Variants in TMEM44 observed in about 807,000 individuals in gnomAD.
TMEM44 encodes the protein transmembrane protein 44.
Under a neutral mutation model 47.8 loss-of-function variants are expected in TMEM44, and 43 were observed. That is an observed-to-expected ratio of 0.90 (90% CI 0.70 to 1.16). The LOEUF (loss-of-function observed/expected upper bound fraction) is 1.16, where lower values mean the gene tolerates loss of function less well. Ranked by LOEUF, TMEM44 falls within the 50% of genes most tolerant of loss-of-function variation. TMEM44 has a pLI of 0.00. For synonymous variants in TMEM44, 277 were observed against 238.8 expected, an observed-to-expected ratio of 1.16 and a Z score of -1.48; for missense variants, 568 against 555.2, an observed-to-expected ratio of 1.02 and a Z score of -0.23.
At chr3:194,617,512 A>C in intron 5 of TMEM44, 1 of 610,840 alleles carries the variant, frequency 1.6e-6, no homozygotes, top group African/African-American at 1.8e-5. Flanking sequence ...CTCCACCCTA[A>C]GGCGAGCAAG....
chr3:194,628,156 G>GT (rs1386740070), intron 2 of TMEM44, among the ~76,000 whole-genome samples: 1 of 152,210 alleles, frequency 6.6e-6, no homozygotes, highest in African/African-American at 2.4e-5. Flanking sequence ...GCCGTGAGAA[G>GT]TGACTTTTGA....
At chr3:194,593,112 G>C (rs1487752295) in intron 9 of TMEM44, 5 of 1,610,578 alleles carry the variant, frequency 3.1e-6, no homozygotes, top group Non-Finnish European at 4.2e-6. Flanking sequence ...GTGTTGGACA[G>C]ATTTTGCCAC....
At position 194,633,201 on chromosome 3, in the gene TMEM44, G is replaced by A. The variant is rs1336103152; in HGVS notation, c.15C>T (p.Pro5=). ...AGTCCCAGAGCGCGGGCGCGGGGCT[G>A]GGCGCCTCCCCCATGGCGCGGCTGG... The part of the protein sequence containing the change: MGEA[P]SPAPALWDWD... The change falls in exon 1 of 10, where the codon CCC becomes CCT. Residue 5 remains proline (P), a synonymous_variant. Coordinates refer to ENST00000347147, the MANE Select transcript of TMEM44 (RefSeq NM_001011655.3). 5 of 1,494,294 alleles carry A rather than the reference G, an allele frequency of 3.3e-6. No homozygotes were observed. In the East Asian group the frequency reaches 1.5e-4, roughly 43 times the overall value. The allele number at this position is 1,494,294 out of a possible 1,614,324, so 92.6% of individuals were successfully genotyped here.
At chr3:194,604,896 T>C (rs1714607496) in intron 8 of TMEM44, among the ~76,000 whole-genome samples, 1 of 152,212 alleles carries the variant, frequency 6.6e-6, no homozygotes, top group South Asian at 2.1e-4. Flanking sequence ...CTGACTGCAG[T>C]AAATTACACT....
rs377481095 is a variant in TMEM44 at position 194,604,400 on chromosome 3, C to G, written c.1063G>C (p.Ala355Pro). ...GGGTCCTGCAGGGACGCATCTCCGG[C>G]GCTCGTCTGCCCGTCACCTGGCAGC... Reference protein sequence around the residue: ...TRLPGDGQTSAGDASLQDPPS... With the variant: ...TRLPGDGQTSPGDASLQDPPS... Residue 355 changes from alanine (A) to proline (P), a missense_variant, in exon 9 of 10, where the codon GCC becomes CCC. Ala to Pro is a conservative substitution (Grantham distance 27). Transcript: ENST00000347147. The G allele has an allele frequency of 2.6e-6, 4 of 1,540,048 alleles. No homozygotes were observed. The highest frequency in any genetic ancestry group is 4.9e-5 in the East Asian group (2 of 40,676).
intron 9 of TMEM44, chr3:194,588,891 C>G (rs181508763): frequency 2.0e-6 from 1 of 498,218 alleles, no homozygotes; most frequent in Non-Finnish European, 3.6e-6. Context: ...CGCCCTCATT[C>G]TCCACTCTTC....
chr3:194,629,257 T>C (rs1487876339), intron 1 of TMEM44, among the ~76,000 whole-genome samples: 1 of 152,146 alleles, frequency 6.6e-6, no homozygotes, highest in Non-Finnish European at 1.5e-5. Context: ...CTGAAATAAA[T>C]TCAAACGAAA....
intron 5 of TMEM44, chr3:194,622,945 C>CA: frequency 2.9e-6 from 1 of 349,710 alleles, no homozygotes; most frequent in Non-Finnish European, 5.2e-6. Flanking sequence ...GCTTCTTCCT[C>CA]AGAGCCTGCT....
intron 9 of TMEM44, among the ~76,000 whole-genome samples, chr3:194,600,713 G>C (rs768565228): frequency 1.1e-4 from 17 of 152,026 alleles, no homozygotes; most frequent in South Asian, 4.2e-4. Context: ...ACTGCGCCAC[G>C]GCACTCCAGC....
intron 5 of TMEM44, 31 bp from the exon 6 acceptor site, chr3:194,617,300 A>T: frequency 6.7e-7 from 1 of 1,482,254 alleles, no homozygotes; most frequent in Non-Finnish European, 9.0e-7. Context: ...GCTGGGCGGG[A>T]GAAGCAGCAG....
intron 7 of TMEM44, among the ~76,000 whole-genome samples, chr3:194,613,714 G>A (rs1465865676): frequency 4.7e-5 from 7 of 150,140 alleles, no homozygotes; most frequent in African/African-American, 9.8e-5. Context: ...GGCTGGTCTC[G>A]AACTCCTGAC....
At chr3:194,603,226 G>C (rs540490225) in intron 9 of TMEM44, among the ~76,000 whole-genome samples, 1 of 152,228 alleles carries the variant, frequency 6.6e-6, no homozygotes, top group Non-Finnish European at 1.5e-5. Context: ...AAGCTGTGAC[G>C]TGTGTTTTAT....
intron 1 of TMEM44, 160 bp downstream of exon 1, chr3:194,632,919 T>A: frequency 9.0e-7 from 1 of 1,113,942 alleles, no homozygotes. Context: ...GGAAAGAAGA[T>A]CCCACTTCAG....
Position 194,605,981 on chromosome 3 carries a change from G to A in TMEM44, c.1018-1536C>T, listed in dbSNP as rs75498557. Among the ~76,000 whole-genome samples, 1,070 of 152,238 alleles carry A rather than the reference G, an allele frequency of 7.0e-3. 31 individuals carry two copies. The East Asian group carries it at 0.1, about 15-fold the overall frequency. ...ACAAGAGAAACAAAGGCAGCATTCT[G>A]GAAGCAGGAACACAGGTGAGGGGCC... On this transcript the variant is annotated intron_variant, in intron 8 of 9. Coordinates refer to ENST00000347147, the MANE Select transcript of TMEM44 (RefSeq NM_001011655.3).
chr3:194,623,517 GCC>G lies in TMEM44; in HGVS notation c.525+10_525+11del. 6.4e-7 allele frequency: 1 copy of G among 1,573,708 alleles called. No homozygotes were observed. Among genetic ancestry groups the G allele is most frequent in the Admixed American group, 1.8e-5 (1 of 54,490 alleles). ...AGTACCCCGAGTCCTCCCCACGGTGGCCCAGCCTCACCTGCAGCAGGCTCGCT... is the reference window on the plus strand; with the variant it reads ...AGTACCCCGAGTCCTCCCCACGGTGGCAGCCTCACCTGCAGCAGGCTCGCT... On this transcript the variant is annotated intron_variant, in intron 4 of 9. Transcript: ENST00000347147.
At chr3:194,595,653 TCTCA>T (rs1713316445) in intron 9 of TMEM44, among the ~76,000 whole-genome samples, 1 of 148,110 alleles carries the variant, frequency 6.8e-6, no homozygotes, top group Admixed American at 6.9e-5. Flanking sequence ...TGAGATGGAG[TCTCA>T]CTCTGTTGCC....
intron 6 of TMEM44, 51 bp from the exon 7 acceptor site, chr3:194,615,748 G>A (rs374089648): frequency 1.1e-5 from 17 of 1,600,532 alleles, no homozygotes; most frequent in East Asian, 2.3e-5. Context: ...GCTGCCTAGC[G>A]TGGCCCTTCA....
chr3:194,601,553 T>C (rs1235526984), intron 9 of TMEM44, among the ~76,000 whole-genome samples: 2 of 152,166 alleles, frequency 1.3e-5, no homozygotes, highest in Admixed American at 6.5e-5. Context: ...TCCGCCCACC[T>C]TGGCCTCCCA....
intron 2 of TMEM44, among the ~76,000 whole-genome samples, chr3:194,626,380 C>T (rs572627007): frequency 6.6e-6 from 1 of 152,364 alleles, no homozygotes; most frequent in South Asian, 2.1e-4. Context: ...CCCTCAAAGA[C>T]TGTCAGGAAG....
Sources: gnomAD v4.1 joint callset for allele counts (sites outside exome capture counted in the v4.1 genomes callset) on GRCh38, gnomAD v4.1.1 for gene constraint, MANE v1.5 for transcripts, NCBI Gene and HGNC (gene_info 2026-07-23, HGNC 2026-07-21) for gene names.